The following DKC1 variants were observed in gnomAD, a reference collection of about 807,000 sequenced individuals.
DKC1 encodes the protein H/ACA ribonucleoprotein complex subunit DKC1.
In DKC1, 4 loss-of-function variants were observed where a neutral mutation model predicts 46.7. The observed-to-expected ratio is 0.09, with a 90% CI of 0.04 to 0.20. DKC1 has a LOEUF of 0.20. Ranked by LOEUF, DKC1 falls within the 10% of genes least tolerant of loss-of-function variation. The pLI, the probability that DKC1 is intolerant of heterozygous loss-of-function variation, is 1.00. For synonymous variants in DKC1, 141 were observed against 142.4 expected, an observed-to-expected ratio of 0.99 and a Z score of 0.07; for missense variants, 171 against 404.2, an observed-to-expected ratio of 0.42 and a Z score of 4.95.
Position 154,762,924 on chromosome X carries a change from C to T in DKC1, c.-42C>T. The T allele has an allele frequency of 8.5e-7, 1 of 1,173,173 alleles. No homozygotes were observed. The highest frequency in any genetic ancestry group is 1.1e-6 in the Non-Finnish European group (1 of 875,205). ...GGCGGCGGGAGTCTGCGGTCGTTCC[C>T]TCGGCTGTGGACCGGGCGGCACGCA... On this transcript the variant is annotated 5_prime_UTR_variant, in exon 1 of 15. Transcript: ENST00000369550.
intron 10 of DKC1, among the ~76,000 whole-genome samples, chrX:154,772,334 T>C (rs1182910872): frequency 8.9e-6 from 1 of 112,306 alleles, no homozygotes; most frequent in Middle Eastern, 4.2e-3. Flanking sequence ...CACCATTTAT[T>C]GAAGAGACTG....
intron 1 of DKC1, 106 bp from the exon 2 acceptor site, chrX:154,764,793 A>G: frequency 5.2e-6 from 3 of 577,047 alleles, no homozygotes; most frequent in Non-Finnish European, 9.2e-6. Context: ...CTGTAATTGT[A>G]GACCTAAAAT....
chrX:154,767,582 T>G (rs1347701246), intron 7 of DKC1, among the ~76,000 whole-genome samples, 200 bp downstream of exon 7: 1 of 112,384 alleles, frequency 8.9e-6, no homozygotes, highest in African/African-American at 3.2e-5. Flanking sequence ...TTACACCTTT[T>G]ATGATGACTG....
rs143209714 is a variant in DKC1, at chrX:154,776,216, C to T, written c.1368C>T (p.Asp456=). ...KRKRESESES[D]ETPPAAPQLI... ...AGCGAGAGAGTGAGAGTGAAAGTGACGAGACTCCTCCAGCAGCTCCTCAGT... is the reference window on the plus strand; with the variant it reads ...AGCGAGAGAGTGAGAGTGAAAGTGATGAGACTCCTCCAGCAGCTCCTCAGT... Residue 456 remains aspartate, a synonymous_variant, in exon 14 of 15, where the codon GAC becomes GAT. Coordinates refer to ENST00000369550, the MANE Select transcript of DKC1 (RefSeq NM_001363.5). The T allele has an allele frequency of 2.5e-6, 3 of 1,209,974 alleles. No homozygotes were observed. Among genetic ancestry groups the T allele is most frequent in the African/African-American group, 3.5e-5 (2 of 57,268 alleles).
Position 154,773,260 on chromosome X carries a change from C to A in DKC1, c.1155+11C>A. On this transcript the variant is annotated intron_variant, in intron 11 of 14. Transcript: ENST00000369550. ...GGTTTAGGTCCAAAGGTAAGTGGTA[C>A]TGGGTTGCGTGCCCTGCCAGGTTCT... 1.2e-5 allele frequency: 11 copies of A among 920,929 alleles called. No homozygotes were observed. Among genetic ancestry groups the A allele is most frequent in the Non-Finnish European group, 1.7e-5 (11 of 643,514 alleles). The allele number at this position is 920,929 out of a possible 1,213,427, so 75.9% of individuals were successfully genotyped here.
chrX:154,770,722 G>A (rs1557264825), intron 9 of DKC1, 37 bp from the exon 10 acceptor site: 6 of 1,209,288 alleles, frequency 5.0e-6, no homozygotes, highest in Non-Finnish European at 6.7e-6. Context: ...GTGGAGGGCA[G>A]CAGCTGGGCC....
rs369686351 is a variant in DKC1 at position 154,762,946 on chromosome X, C to T, written c.-20C>T. The T allele has an allele frequency of 4.5e-5, 53 of 1,178,720 alleles. No homozygotes were observed. The African/African-American group carries it at 7.9e-4, about 18-fold the overall frequency. Reference sequence around the variant, plus strand: ...TCCCTCGGCTGTGGACCGGGCGGCACGCACGCGGTGCAGGGTAACATGGCG... The same window carrying T: ...TCCCTCGGCTGTGGACCGGGCGGCATGCACGCGGTGCAGGGTAACATGGCG... On this transcript the variant is annotated 5_prime_UTR_variant, in exon 1 of 15. In the 5' UTR this introduces an upstream ATG that the reference lacks. Transcript: ENST00000369550.
chrX:154,770,941 A>G, intron 10 of DKC1, 62 bp downstream of exon 10: 1 of 1,113,846 alleles, frequency 9.0e-7, no homozygotes, highest in Admixed American at 2.2e-5. Flanking sequence ...AGGTGTATAT[A>G]TTTATGGGGT....
intron 10 of DKC1, among the ~76,000 whole-genome samples, chrX:154,771,967 C>T (rs1443689772): frequency 8.9e-6 from 1 of 112,235 alleles, no homozygotes; most frequent in African/African-American, 3.2e-5. Context: ...ATTTACATTC[C>T]CATCAACAGT....
At chrX:154,764,156 CAAA>C (rs781917288) in intron 1 of DKC1, among the ~76,000 whole-genome samples, 1 of 84,846 alleles carries the variant, frequency 1.2e-5, no homozygotes, top group African/African-American at 4.4e-5. Flanking sequence ...GTGACCGTCT[CAAA>C]AAAAAAAAAT....
intron 11 of DKC1, among the ~76,000 whole-genome samples, chrX:154,773,876 G>A (rs1421429910): frequency 8.9e-6 from 1 of 111,901 alleles, no homozygotes; most frequent in Non-Finnish European, 1.9e-5. Flanking sequence ...CAGTAGGGGC[G>A]GCCGGGCAGA....
In DKC1 at chrX:154,762,989, C is replaced by T. The variant is rs1603429319; in HGVS notation, c.16+8C>T. ...ACATGGCGGATGCGGAAGGTAAGGG[C>T]TGCAGGCTTCCGGGCCGTGCTAACT... On this transcript the variant is annotated splice_region_variant and intron_variant, in intron 1 of 14. Transcript: ENST00000369550. The T allele has an allele frequency of 8.5e-7, 1 of 1,179,756 alleles. No individual in the cohort carries two copies. Among genetic ancestry groups the T allele is most frequent in the Non-Finnish European group, 1.1e-6 (1 of 878,760 alleles).
At chrX:154,765,846 T>C in intron 3 of DKC1, 61 bp from the exon 4 acceptor site, 3 of 932,452 alleles carry the variant, frequency 3.2e-6, no homozygotes, top group South Asian at 1.9e-5. Context: ...TGGTACTGAC[T>C]CTTTTTTTAC....
intron 2 of DKC1, chrX:154,765,233 T>C: frequency 1.0e-5 from 5 of 491,467 alleles, no homozygotes; most frequent in Non-Finnish European, 1.8e-5. Context: ...CATCCCCCTT[T>C]CTCTTTAAAT....
intron 10 of DKC1, among the ~76,000 whole-genome samples, chrX:154,772,339 A>C (rs186430395): frequency 1.8e-5 from 2 of 112,148 alleles, no homozygotes; most frequent in Non-Finnish European, 3.8e-5. Flanking sequence ...TTTATTGAAG[A>C]GACTGGTTTT....
At chrX:154,775,463 T>G in intron 13 of DKC1, 190 bp downstream of exon 13, 1 of 495,961 alleles carries the variant, frequency 2.0e-6, no homozygotes, top group Non-Finnish European at 3.6e-6. Flanking sequence ...CTCCTCTGAT[T>G]TGTATTCTCT....
chrX:154,773,545 C>T (rs1183729177), intron 11 of DKC1, among the ~76,000 whole-genome samples: 98 of 109,084 alleles, frequency 9.0e-4, no homozygotes, highest in Non-Finnish European at 1.5e-3. Context: ...TAACAAAGCA[C>T]ATCTTGCACC....
chrX:154,773,552 C>T (rs1260911551), intron 11 of DKC1, among the ~76,000 whole-genome samples: 3 of 108,941 alleles, frequency 2.8e-5, no homozygotes, highest in Non-Finnish European at 5.7e-5. Context: ...GCACATCTTG[C>T]ACCGCCCTTA....
chrX:154,766,480 CTA>C, intron 5 of DKC1, 80 bp downstream of exon 5: 2 of 948,684 alleles, frequency 2.1e-6, no homozygotes, highest in Non-Finnish European at 2.9e-6. Context: ...CTGCTGGAAA[CTA>C]TTTCTTCATT....
Sources: gnomAD v4.1 joint callset for allele counts (sites outside exome capture counted in the v4.1 genomes callset) on GRCh38, gnomAD v4.1.1 for gene constraint, MANE v1.5 for transcripts, NCBI Gene and HGNC (gene_info 2026-07-23, HGNC 2026-07-21) for gene names.